DIPK2A: variants seen among roughly 807,000 people sequenced by gnomAD.
DIPK2A encodes divergent protein kinase domain 2A.
In DIPK2A, 27 loss-of-function variants were observed where a neutral mutation model predicts 39.0. The observed-to-expected ratio is 0.69, with a 90% CI of 0.51 to 0.96. The LOEUF is 0.96. DIPK2A is among the 40% of genes least tolerant of loss of function. The pLI, the probability that DIPK2A is intolerant of heterozygous loss-of-function variation, is 0.00. For missense variants in DIPK2A, 528 were observed against 571.3 expected, an observed-to-expected ratio of 0.92 and a Z score of 0.77; for synonymous variants, 298 against 240.8, an observed-to-expected ratio of 1.24 and a Z score of -2.20.
At position 143,990,298 on chromosome 3, in the gene DIPK2A, C is replaced by G. The variant is rs1229010426; in HGVS notation, c.*457C>G. 1 of 151,248 alleles carries G rather than the reference C, an allele frequency of 6.6e-6. No individual in the cohort carries two copies. Among genetic ancestry groups the G allele is most frequent in the Non-Finnish European group, 1.5e-5 (1 of 67,986 alleles). The allele number at this position is 151,248 out of a possible 1,614,324, so 9.4% of individuals were successfully genotyped here. ...CTTCTGATGTGTAGGGTTTTTTCCC[C>G]CTTTTTTTTTTTAATTAAATTTTGA... On this transcript the variant is annotated 3_prime_UTR_variant, in exon 3 of 3. Coordinates refer to ENST00000315691, the MANE Select transcript of DIPK2A (RefSeq NM_173552.5).
At chr3:143,977,415 CTCTT>C (rs1325561481) in intron 1 of DIPK2A, among the ~76,000 whole-genome samples, 2 of 151,970 alleles carry the variant, frequency 1.3e-5, no homozygotes, top group Non-Finnish European at 2.9e-5. Flanking sequence ...GTGGGATGCT[CTCTT>C]TCAAGCCTTT....
At chr3:143,985,448 C>T (rs2107846655) in intron 1 of DIPK2A, 95 bp from the exon 2 acceptor site, 4 of 1,072,204 alleles carry the variant, frequency 3.7e-6, no homozygotes, top group East Asian at 4.8e-5. Context: ...AATCCAAAGT[C>T]ATTCCTAGTA....
chr3:143,979,173 T>G (rs2087792439), intron 1 of DIPK2A, among the ~76,000 whole-genome samples: 1 of 152,208 alleles, frequency 6.6e-6, no homozygotes, highest in South Asian at 2.1e-4. Flanking sequence ...CAAATGTCAC[T>G]GTCCTTACAT....
At chr3:143,979,162 T>A (rs2087792268) in intron 1 of DIPK2A, among the ~76,000 whole-genome samples, 1 of 152,158 alleles carries the variant, frequency 6.6e-6, no homozygotes, top group Non-Finnish European at 1.5e-5. Context: ...TTGCAGACAT[T>A]CAAATGTCAC....
At chr3:143,981,676 AAAACAG>A (rs1405283024) in intron 1 of DIPK2A, among the ~76,000 whole-genome samples, 1 of 152,198 alleles carries the variant, frequency 6.6e-6, no homozygotes, top group East Asian at 1.9e-4. Flanking sequence ...AGCAAAAACA[AAAACAG>A]AAACAAAAAC....
At chr3:143,988,286 G>T (rs1215889453) in intron 2 of DIPK2A, among the ~76,000 whole-genome samples, 1 of 151,916 alleles carries the variant, frequency 6.6e-6, no homozygotes, top group Non-Finnish European at 1.5e-5. Context: ...TTTTGTAGAG[G>T]GTGGGATCTC....
chr3:143,976,062 T>C (rs1305581188), intron 1 of DIPK2A, among the ~76,000 whole-genome samples: 1 of 152,072 alleles, frequency 6.6e-6, no homozygotes, highest in Non-Finnish European at 1.5e-5. Flanking sequence ...TGAAAGACAT[T>C]AAGTGTCTAA....
rs1030567479 is a variant in DIPK2A at position 143,972,176 on chromosome 3, C to G, written c.-157C>G. The G allele has an allele frequency of 2.9e-5, 16 of 556,312 alleles. No individual in the cohort carries two copies. Among genetic ancestry groups the G allele is most frequent in the South Asian group, 1.7e-4 (3 of 17,862 alleles). The allele number at this position is 556,312 out of a possible 1,614,324, so 34.5% of individuals were successfully genotyped here. ...CTCAGGCCCGCGCCTTCCCGCTCCC[C>G]GTCTTCCTCTCTCACACACCTACTC... is the stretch of plus-strand genomic sequence containing the variant. On this transcript the variant is annotated 5_prime_UTR_variant, in exon 1 of 3. Coordinates refer to ENST00000315691, the MANE Select transcript of DIPK2A (RefSeq NM_173552.5).
intron 1 of DIPK2A, among the ~76,000 whole-genome samples, chr3:143,981,704 T>TA (rs1032112116): frequency 1.8e-3 from 269 of 151,920 alleles, no homozygotes; most frequent in African/African-American, 6.1e-3. Flanking sequence ...AAACAAAAAA[T>TA]AAACCCAAAA....
chr3:143,972,726 C>T lies in DIPK2A; in HGVS notation c.394C>T (p.Arg132Trp). The T allele has an allele frequency of 6.3e-7, 1 of 1,590,642 alleles. No homozygotes were observed. Among genetic ancestry groups the T allele is most frequent in the East Asian group, 2.3e-5 (1 of 44,168 alleles). ...DQSICKRATG[R>W]PRCDLLQAMP... The stretch of plus-strand genomic sequence containing the variant: ...GAGCATCTGCAAGCGGGCCACCGGC[C>T]GGCCCCGCTGCGACCTGCTGCAGGC... Residue 132 changes from arginine to tryptophan, a missense_variant, in exon 1 of 3, where the codon CGG becomes TGG. Transcript: ENST00000315691.
At chr3:143,986,940 C>A (rs1216600796) in intron 2 of DIPK2A, among the ~76,000 whole-genome samples, 1 of 151,990 alleles carries the variant, frequency 6.6e-6, no homozygotes. Flanking sequence ...ATTTACGGCA[C>A]CTGGGGAAAA....
Position 143,991,756 on chromosome 3 carries a change from C to G in DIPK2A, c.*1915C>G, listed in dbSNP as rs1250661982. 1.3e-5 allele frequency: 2 copies of G among 152,232 alleles called. No homozygotes were observed. Among genetic ancestry groups the G allele is most frequent in the Non-Finnish European group, 2.9e-5 (2 of 68,004 alleles). The allele number at this position is 152,232 out of a possible 1,614,324, so 9.4% of individuals were successfully genotyped here. On this transcript the variant is annotated 3_prime_UTR_variant, in exon 3 of 3. Coordinates refer to ENST00000315691, the MANE Select transcript of DIPK2A (RefSeq NM_173552.5). ...GTTGAAAATTGCCAAACACTCACCT[C>G]TTACTCAAAACTTCAAATAAAATAC... is the stretch of plus-strand genomic sequence containing the variant.
intron 1 of DIPK2A, among the ~76,000 whole-genome samples, chr3:143,978,107 A>G (rs2087756477): frequency 6.6e-6 from 1 of 152,078 alleles, no homozygotes; most frequent in Non-Finnish European, 1.5e-5. Context: ...ATGGGTGTCC[A>G]GCTTCTCAGG....
At chr3:143,976,531 A>AGT (rs34741607) in intron 1 of DIPK2A, among the ~76,000 whole-genome samples, 21,190 of 142,542 alleles carry the variant, frequency 0.15, 2,420 homozygotes, top group African/African-American at 0.32. Flanking sequence ...AGAAAGGGAG[A>AGT]GTGTGTGTGT....
intron 1 of DIPK2A, chr3:143,973,610 A>G (rs781137920): frequency 7.0e-7 from 1 of 1,435,186 alleles, no homozygotes; most frequent in South Asian, 1.2e-5. Context: ...AGAATCAGAA[A>G]CAGGAAAAGT....
chr3:143,979,745 T>C (rs2087801934), intron 1 of DIPK2A, among the ~76,000 whole-genome samples: 1 of 152,178 alleles, frequency 6.6e-6, no homozygotes, highest in African/African-American at 2.4e-5. Flanking sequence ...TAAAAGATAA[T>C]CTATTTCTAT....
At position 143,972,416 on chromosome 3, in the gene DIPK2A, G is replaced by A. The variant is rs746392272; in HGVS notation, c.84G>A (p.Met28Ile). Residue 28 changes from methionine (M) to isoleucine (I), a missense_variant, in exon 1 of 3, where the codon ATG becomes ATA. Met to Ile is a conservative substitution (Grantham distance 10, BLOSUM62 1). This residue lies in a region of DIPK2A where 309 missense variants were observed against 289.8 expected (regional missense o/e 1.07). Transcript: ENST00000315691. ...CGCTGGGCAGCCTGTTGGTGCTGAT[G>A]GTGCTGCACTCGCCGTCGCTGCTCG... ...LAALGSLLVL[M>I]VLHSPSLLAS... 11 of 1,533,298 alleles carry A rather than the reference G, an allele frequency of 7.2e-6. No individual in the cohort carries two copies. Among genetic ancestry groups the A allele is most frequent in the Admixed American group, 3.8e-5 (2 of 52,160 alleles). 95.0% of individuals were successfully genotyped at this position (1,533,298 alleles called of 1,614,324 possible).
At chr3:143,978,594 C>CTA (rs2087764053) in intron 1 of DIPK2A, 1 of 66,104 alleles carries the variant, frequency 1.5e-5, no homozygotes, top group Non-Finnish European at 2.5e-5. Context: ...CTATATCTAT[C>CTA]TATCTATCTA....
At chr3:143,987,992 C>G (rs960501922) in intron 2 of DIPK2A, among the ~76,000 whole-genome samples, 1 of 152,192 alleles carries the variant, frequency 6.6e-6, no homozygotes, top group Non-Finnish European at 1.5e-5. Context: ...ACTTACTACT[C>G]CTTTGCTTAA....
Sources: allele counts gnomAD v4.1 joint callset (sites outside exome capture counted in the v4.1 genomes callset), GRCh38; gene constraint gnomAD v4.1.1; regional missense constraint gnomAD v4.1.1; transcripts MANE v1.5; gene names NCBI Gene and HGNC (gene_info 2026-07-23, HGNC 2026-07-21).